Variants in PRPS2 observed in about 807,000 individuals in gnomAD.
The protein encoded by PRPS2 is phosphoribosyl pyrophosphate synthetase 2, also known as ribose-phosphate pyrophosphokinase 2.
For missense variants in PRPS2, 104 were observed against 271.5 expected, an observed-to-expected ratio of 0.38 and a Z score of 4.34; for synonymous variants, 111 against 115.3, an observed-to-expected ratio of 0.96 and a Z score of 0.24.
In PRPS2 at chrX:12,809,288, G is replaced by T; in HGVS notation, c.361G>T (p.Ala121Ser). 1 of 1,210,656 alleles carries T rather than the reference G, an allele frequency of 8.3e-7. No individual in the cohort carries two copies. Among genetic ancestry groups the T allele is most frequent in the East Asian group, 3.0e-5 (1 of 33,819 alleles). The change falls in exon 3 of 7, where the codon GCG becomes TCG. Residue 121 changes from alanine to serine, a missense_variant. By Grantham distance (99) the Ala-to-Ser change is moderately conservative. Coordinates refer to ENST00000380668, the MANE Select transcript of PRPS2 (RefSeq NM_002765.5). ...LVANMLSVAG[A>S]DHIITMDLHA... ...GGCCAATATGCTGTCGGTGGCTGGGGCGGATCACATCATCACCATGGACCT... is the reference window on the plus strand; with the variant it reads ...GGCCAATATGCTGTCGGTGGCTGGGTCGGATCACATCATCACCATGGACCT...
chrX:12,823,316 CTTTTTTT>C lies in PRPS2; in HGVS notation c.*530_*536del, dbSNP rs60542225. ...ATAATACCATGGATTTTGAATTTTC[CTTTTTTT>C]TTTTTTTTTGGATAACTCAGTTTCA... On this transcript the variant is annotated 3_prime_UTR_variant, in exon 7 of 7. Coordinates refer to ENST00000380668, the MANE Select transcript of PRPS2 (RefSeq NM_002765.5). 2 of 86,295 alleles carry C rather than the reference CTTTTTTT, an allele frequency of 2.3e-5. No homozygotes were observed. The highest frequency in any genetic ancestry group is 4.4e-5 in the Non-Finnish European group (2 of 45,858). 7.1% of individuals were successfully genotyped at this position (86,295 alleles called of 1,213,427 possible). A position where few individuals can be genotyped will look rare whatever the true frequency, so the allele number is the denominator to read the frequency against.
intron 4 of PRPS2, among the ~76,000 whole-genome samples, chrX:12,814,954 G>T (rs1027130696): frequency 9.0e-6 from 1 of 111,688 alleles, no homozygotes; most frequent in Non-Finnish European, 1.9e-5. Flanking sequence ...ACAGAGAAAA[G>T]ATTGTAAATA....
chrX:12,818,865 G>A (rs774655787), intron 4 of PRPS2, among the ~76,000 whole-genome samples: 2 of 109,883 alleles, frequency 1.8e-5, no homozygotes, highest in East Asian at 5.7e-4. Flanking sequence ...CTGAGCTAGT[G>A]ATTTTTTTTT....
intron 2 of PRPS2, among the ~76,000 whole-genome samples, chrX:12,801,217 C>A (rs12687586): frequency 2.0e-5 from 1 of 49,645 alleles, no homozygotes; most frequent in African/African-American, 8.6e-5. Flanking sequence ...AGATTGCGTG[C>A]GCACGTGTGT....
chrX:12,795,382 G>A (rs957827204), intron 1 of PRPS2, among the ~76,000 whole-genome samples: 1 of 111,818 alleles, frequency 8.9e-6, no homozygotes, highest in African/African-American at 3.3e-5. Context: ...GCTGTGTTTT[G>A]TCAACCTCTC....
chrX:12,801,265 T>A (rs1016498092), intron 2 of PRPS2, among the ~76,000 whole-genome samples: 32 of 110,745 alleles, frequency 2.9e-4, no homozygotes, highest in Non-Finnish European at 6.0e-4. Context: ...TGTGTGTGTG[T>A]GTTTATGATC....
chrX:12,815,849 G>T (rs1420704757), intron 4 of PRPS2, among the ~76,000 whole-genome samples: 8 of 109,217 alleles, frequency 7.3e-5, no homozygotes, highest in African/African-American at 1.4e-4. Context: ...CACCATGTTG[G>T]CCAGGCTCAT....
At chrX:12,808,778 CTG>C (rs1255184745) in intron 2 of PRPS2, among the ~76,000 whole-genome samples, 3 of 112,079 alleles carry the variant, frequency 2.7e-5, no homozygotes, top group Admixed American at 1.9e-4. Flanking sequence ...ATGTGCCACT[CTG>C]TCCTTCTAGA....
intron 2 of PRPS2, among the ~76,000 whole-genome samples, chrX:12,800,612 A>G (rs1485776011): frequency 9.0e-6 from 1 of 111,406 alleles, no homozygotes; most frequent in Non-Finnish European, 1.9e-5. Flanking sequence ...TTCAAGACAC[A>G]CTGCTGTTCT....
chrX:12,799,116 C>A, intron 1 of PRPS2, 91 bp from the exon 2 acceptor site: 1 of 873,925 alleles, frequency 1.1e-6, no homozygotes, highest in Non-Finnish European at 1.6e-6. Context: ...TATAAGTCAT[C>A]CTGGTGATCA....
intron 1 of PRPS2, among the ~76,000 whole-genome samples, chrX:12,792,591 A>G (rs1815800717): frequency 9.0e-6 from 1 of 111,425 alleles, no homozygotes; most frequent in African/African-American, 3.3e-5. Context: ...TTCTTCCTCC[A>G]ATGTCTAGTA....
chrX:12,821,485 T>C (rs911055101), intron 6 of PRPS2, among the ~76,000 whole-genome samples: 3 of 111,408 alleles, frequency 2.7e-5, no homozygotes, highest in Non-Finnish European at 3.8e-5. Flanking sequence ...TATCATTTAA[T>C]GACTATATAG....
At chrX:12,808,631 G>GT (rs1160713948) in intron 2 of PRPS2, among the ~76,000 whole-genome samples, 3 of 112,017 alleles carry the variant, frequency 2.7e-5, no homozygotes, top group Non-Finnish European at 5.6e-5. Flanking sequence ...CTTTGACCTT[G>GT]TTTTTTTCCA....
intron 1 of PRPS2, among the ~76,000 whole-genome samples, chrX:12,795,926 C>T (rs1440545885): frequency 8.9e-6 from 1 of 112,794 alleles, no homozygotes; most frequent in Non-Finnish European, 1.9e-5. Context: ...CTATCCCCCT[C>T]ATCCTGTGAG....
At chrX:12,808,654 T>A (rs10521629) in intron 2 of PRPS2, among the ~76,000 whole-genome samples, 5,207 of 112,295 alleles carry the variant, frequency 0.046, 231 homozygotes, top group South Asian at 0.34. Flanking sequence ...TGTAATAGTG[T>A]TAGCGTCCAA....
intron 4 of PRPS2, among the ~76,000 whole-genome samples, chrX:12,817,040 T>A (rs2042650797): frequency 1.8e-5 from 2 of 110,510 alleles, no homozygotes; most frequent in South Asian, 7.9e-4. Context: ...TGGTCTTCTA[T>A]AGTTTTGTTA....
At chrX:12,793,033 C>G (rs1400604255) in intron 1 of PRPS2, among the ~76,000 whole-genome samples, 1 of 112,076 alleles carries the variant, frequency 8.9e-6, no homozygotes, top group African/African-American at 3.2e-5. Flanking sequence ...TTCCACTCTG[C>G]AGTGTTTAAT....
In PRPS2 at chrX:12,804,485, A is replaced by G. The variant is rs773358927; in HGVS notation, c.307-4749A>G. Among the ~76,000 whole-genome samples the G allele has an allele frequency of 2.7e-5, 3 of 111,202 alleles. No individual in the cohort carries two copies. In the East Asian group the frequency reaches 8.4e-4, roughly 31 times the overall value. ...ATGGCTGATAATACTTTTCCTAACT[A>G]TTCCTTCCTTACCTTGGATCACGTG... is the stretch of plus-strand genomic sequence containing the variant. On this transcript the variant is annotated intron_variant, in intron 2 of 6. Coordinates refer to ENST00000380668, the MANE Select transcript of PRPS2 (RefSeq NM_002765.5).
At chrX:12,796,541 A>G (rs2042544806) in intron 1 of PRPS2, among the ~76,000 whole-genome samples, 1 of 111,931 alleles carries the variant, frequency 8.9e-6, no homozygotes, top group African/African-American at 3.2e-5. Context: ...TAAGAAAACA[A>G]TTTCATTGAG....
Sources: allele counts gnomAD v4.1 joint callset (sites outside exome capture counted in the v4.1 genomes callset), GRCh38; gene constraint gnomAD v4.1.1; transcripts MANE v1.5; gene names NCBI Gene and HGNC (gene_info 2026-07-23, HGNC 2026-07-21).